Variants in SLC2A8 observed in about 807,000 individuals in gnomAD.
SLC2A8 encodes the protein solute carrier family 2 member 8, also known as solute carrier family 2, facilitated glucose transporter member 8.
Under a neutral mutation model 49.2 loss-of-function variants are expected in SLC2A8, and 53 were observed. The observed-to-expected ratio is 1.08, with a 90% CI of 0.86 to 1.35. SLC2A8 has a LOEUF of 1.35. Ranked by LOEUF, SLC2A8 falls within the 40% of genes most tolerant of loss-of-function variation. The probability of loss-of-function intolerance (pLI) is 0.00; values close to 1 mark genes in which losing one functional copy is unlikely to be tolerated. For missense variants in SLC2A8, 688 were observed against 671.7 expected (o/e 1.02, Z -0.27); for synonymous variants, 299 against 297.0 (o/e 1.01, Z -0.07).
chr9:127,407,049 G>A, intron 9 of SLC2A8, 63 bp from the exon 10 acceptor site: 1 of 1,591,830 alleles, frequency 6.3e-7, no homozygotes, highest in African/African-American at 1.3e-5. Context: ...AGCTGTCTCA[G>A]TGATCGCGTG....
In SLC2A8 at chr9:127,399,028, G is replaced by T. The variant is rs1833162643; in HGVS notation, c.427-879G>T. ...TTATGTCTTTGGTTTTTTTAACTGG[G>T]CAGAAACACACCTGTGTTAGGGGCC... On this transcript the variant is annotated intron_variant, in intron 3 of 9. Coordinates refer to ENST00000373371, the MANE Select transcript of SLC2A8 (RefSeq NM_014580.5). This position sits in a 1 kb window ranked among gnomAD's most constrained non-coding sequence, Gnocchi z 4.2. Among the ~76,000 whole-genome samples the T allele has an allele frequency of 6.6e-6, 1 of 152,214 alleles. No homozygotes were observed.
At chr9:127,406,443 C>CT (rs2131917350) in intron 9 of SLC2A8, among the ~76,000 whole-genome samples, 1 of 152,042 alleles carries the variant, frequency 6.6e-6, no homozygotes, top group East Asian at 1.9e-4. Context: ...GGAGGGGATG[C>CT]GCAGCAAAGG....
intron 7 of SLC2A8, chr9:127,404,408 C>T: frequency 3.0e-6 from 1 of 328,880 alleles, no homozygotes; most frequent in Non-Finnish European, 5.6e-6. Context: ...CCTCAGTCTC[C>T]CCCTCTGGGA....
chr9:127,401,179 G>C (rs535621047), intron 4 of SLC2A8, among the ~76,000 whole-genome samples: 5 of 152,320 alleles, frequency 3.3e-5, no homozygotes, highest in Non-Finnish European at 5.9e-5. Context: ...GTGTGACCTT[G>C]GCCAAGTCAT....
chr9:127,403,961 C>T lies in SLC2A8; in HGVS notation c.870C>T (p.Asp290=). 2 of 1,611,156 alleles carry T rather than the reference C, an allele frequency of 1.2e-6. No individual in the cohort carries two copies. Among genetic ancestry groups the T allele is most frequent in the Non-Finnish European group, 1.7e-6 (2 of 1,178,502 alleles). The part of the protein sequence containing the change: ...ETIFEEAKFK[D]SSLASVVVGV... ...TGCCTGGGCTCTGTCTCCCCCAGGA[C>T]AGCAGCCTGGCCTCGGTCGTCGTGG... is the stretch of plus-strand genomic sequence containing the variant. Residue 290 remains aspartate, a splice_region_variant and synonymous_variant, in exon 7 of 10, where the codon GAC becomes GAT. Transcript: ENST00000373371.
chr9:127,404,758 G>T, intron 7 of SLC2A8, 60 bp from the exon 8 acceptor site: 1 of 1,546,786 alleles, frequency 6.5e-7, no homozygotes. Context: ...TCCAGGCCAT[G>T]CTGCTGCGCC....
At chr9:127,397,618 C>T (rs1293406247) in intron 2 of SLC2A8, 80 bp downstream of exon 2, 2 of 1,357,034 alleles carry the variant, frequency 1.5e-6, no homozygotes, top group Admixed American at 7.8e-5. Context: ...CTCCGCCCCC[C>T]ACCCTTCCCC....
At chr9:127,406,764 G>C (rs1332831776) in intron 9 of SLC2A8, among the ~76,000 whole-genome samples, 1 of 152,224 alleles carries the variant, frequency 6.6e-6, no homozygotes, top group Non-Finnish European at 1.5e-5. Flanking sequence ...CCAAAGCTGA[G>C]GGTGGAGGGT....
chr9:127,399,535 A>T lies in SLC2A8; in HGVS notation c.427-372A>T, dbSNP rs971846162. ...TGAATGGCTGAGACCTTTCCATTTT[A>T]AGAACTCTTGGAGCCTGAGTAAAGC... On this transcript the variant is annotated intron_variant, in intron 3 of 9. Coordinates refer to ENST00000373371, the MANE Select transcript of SLC2A8 (RefSeq NM_014580.5). The surrounding 1 kb of genome is among the most constrained non-coding windows in gnomAD (Gnocchi z 4.2). 2.7e-5 allele frequency among the ~76,000 whole-genome samples: 4 copies of T among 149,264 alleles called. No homozygotes were observed. Among genetic ancestry groups the T allele is most frequent in the African/African-American group, 9.9e-5 (4 of 40,446 alleles).
chr9:127,405,061 C>T (rs141146973), intron 8 of SLC2A8, 70 bp downstream of exon 8: 18 of 1,508,918 alleles, frequency 1.2e-5, no homozygotes, highest in East Asian at 4.6e-5. Flanking sequence ...TGGCGGCTCC[C>T]GGCAGGTGGG....
chr9:127,405,323 C>T, intron 8 of SLC2A8, 97 bp from the exon 9 acceptor site: 5 of 1,434,872 alleles, frequency 3.5e-6, no homozygotes, highest in Non-Finnish European at 4.7e-6. Flanking sequence ...CCCCACAGCC[C>T]CACAGGCTGG....
chr9:127,406,324 C>T (rs1157737840), intron 9 of SLC2A8, among the ~76,000 whole-genome samples: 1 of 152,136 alleles, frequency 6.6e-6, no homozygotes, highest in African/African-American at 2.4e-5. Context: ...CATGAGGGGC[C>T]AGCCTGGAGT....
chr9:127,403,944 C>T lies in SLC2A8; in HGVS notation c.868-15C>T, dbSNP rs761519042. ...AGCTGGCCCACCTGACCTGCCTGGG[C>T]TCTGTCTCCCCCAGGACAGCAGCCT... On this transcript the variant is annotated splice_polypyrimidine_tract_variant and intron_variant, in intron 6 of 9. Transcript: ENST00000373371. 29 of 1,609,820 alleles carry T rather than the reference C, an allele frequency of 1.8e-5. No homozygotes were observed. In the Admixed American group the frequency reaches 4.8e-4, roughly 27 times the overall value.
intron 9 of SLC2A8, among the ~76,000 whole-genome samples, chr9:127,406,905 T>TG (rs1215035218): frequency 6.6e-6 from 1 of 152,202 alleles, no homozygotes; most frequent in East Asian, 1.9e-4. Context: ...CTCGGTATCT[T>TG]GGACAGTGCT....
chr9:127,402,405 A>G (rs1227960249), intron 4 of SLC2A8, 152 bp from the exon 5 acceptor site: 2 of 1,240,842 alleles, frequency 1.6e-6, no homozygotes, highest in African/African-American at 1.5e-5. Flanking sequence ...CTTCATGAAC[A>G]GTTGTGATAA....
At chr9:127,405,606 C>A (rs775040422) in intron 9 of SLC2A8, 41 bp downstream of exon 9, 1 of 1,609,292 alleles carries the variant, frequency 6.2e-7, no homozygotes, top group South Asian at 1.1e-5. Flanking sequence ...GTGCAGTCAG[C>A]CGAGAAGCAC....
At position 127,399,262 on chromosome 9, in the gene SLC2A8, G is replaced by T. The variant is rs1383518063; in HGVS notation, c.427-645G>T. Among the ~76,000 whole-genome samples, 3 of 152,226 alleles carry T rather than the reference G, an allele frequency of 2.0e-5. No homozygotes were observed. Among genetic ancestry groups the T allele is most frequent in the Non-Finnish European group, 2.9e-5 (2 of 68,040 alleles). ...CAAGGTGGAATCTTTCGCCTGTCCAGACCTACTGCATCGGAATCTATGATT... is the reference window on the plus strand; with the variant it reads ...CAAGGTGGAATCTTTCGCCTGTCCATACCTACTGCATCGGAATCTATGATT... On this transcript the variant is annotated intron_variant, in intron 3 of 9. Coordinates refer to ENST00000373371, the MANE Select transcript of SLC2A8 (RefSeq NM_014580.5). The surrounding 1 kb of genome is among the most constrained non-coding windows in gnomAD (Gnocchi z 4.2).
intron 2 of SLC2A8, 56 bp downstream of exon 2, chr9:127,397,594 C>A: frequency 7.3e-7 from 1 of 1,364,988 alleles, no homozygotes; most frequent in Non-Finnish European, 9.4e-7. Flanking sequence ...CCTCTCGGGA[C>A]GGGCATCGGG....
At position 127,407,489 on chromosome 9, in the gene SLC2A8, G is replaced by C; in HGVS notation, c.*240G>C. On this transcript the variant is annotated 3_prime_UTR_variant, in exon 10 of 10. Coordinates refer to ENST00000373371, the MANE Select transcript of SLC2A8 (RefSeq NM_014580.5). ...ACACCTTCGAGCTTTGCAGACCTGC[G>C]GTCAGCCCTCCATGCGCAAGACTAA... is the stretch of plus-strand genomic sequence containing the variant. 1 of 654,364 alleles carries C rather than the reference G, an allele frequency of 1.5e-6. No individual in the cohort carries two copies. Among genetic ancestry groups the C allele is most frequent in the Non-Finnish European group, 2.9e-6 (1 of 345,700 alleles). 40.5% of individuals were successfully genotyped at this position (654,364 alleles called of 1,614,324 possible). A position where few individuals can be genotyped will look rare whatever the true frequency, so the allele number is the denominator to read the frequency against.
Sources: allele counts gnomAD v4.1 joint callset (sites outside exome capture counted in the v4.1 genomes callset), GRCh38; gene constraint gnomAD v4.1.1; non-coding constraint Gnocchi (gnomAD v3.1); transcripts MANE v1.5; gene names NCBI Gene and HGNC (gene_info 2026-07-23, HGNC 2026-07-21).